Variants in CD163L1 observed in about 807,000 individuals in gnomAD.
CD163L1 encodes the protein CD163 molecule like 1.
In CD163L1, 124 loss-of-function variants were observed where a neutral mutation model predicts 165.4. The observed-to-expected ratio is 0.75, with a 90% CI of 0.65 to 0.87. The LOEUF is 0.87. Ranked by LOEUF, CD163L1 falls within the 40% of genes least tolerant of loss-of-function variation. The pLI is 0.00. For synonymous variants in CD163L1, 585 were observed against 662.2 expected (o/e 0.88, Z 1.79); for missense variants, 1,525 against 1,799.9 (o/e 0.85, Z 2.76).
At chr12:7,433,792 GTTGTTAT>G in intron 2 of CD163L1, 98 bp from the exon 3 acceptor site, 1 of 905,436 alleles carries the variant, frequency 1.1e-6, no homozygotes, top group South Asian at 2.0e-5. Context: ...TAGTTTAAAT[GTTGTTAT>G]TAGAACTTAT....
chr12:7,421,474 CATAT>C (rs1241384234), intron 4 of CD163L1, among the ~76,000 whole-genome samples: 57 of 97,752 alleles, frequency 5.8e-4, no homozygotes, highest in African/African-American at 1.4e-3. Flanking sequence ...CATATATATA[CATAT>C]ATGTACATAT....
intron 8 of CD163L1, among the ~76,000 whole-genome samples, chr12:7,393,495 C>T (rs1947706075): frequency 6.6e-6 from 1 of 152,156 alleles, no homozygotes; most frequent in Admixed American, 6.6e-5. Context: ...TGGAAGAATT[C>T]CCTTTGAAAA....
At chr12:7,402,025 T>C (rs965349235) in intron 6 of CD163L1, among the ~76,000 whole-genome samples, 4 of 151,968 alleles carry the variant, frequency 2.6e-5, no homozygotes, top group Non-Finnish European at 5.9e-5. Context: ...GATAAATAGA[T>C]TCATAAAACA....
chr12:7,368,835 C>T lies in CD163L1; in HGVS notation c.4072+98G>A, dbSNP rs970774901. The T allele has an allele frequency of 1.5e-6, 2 of 1,338,508 alleles. No individual in the cohort carries two copies. The allele number at this position is 1,338,508 out of a possible 1,614,324, so 82.9% of individuals were successfully genotyped here. ...CCCACAGACTCATATTTCTGCAGTC[C>T]CCAGTCTTCTTTGATTATCATAGCA... On this transcript the variant is annotated intron_variant, in intron 16 of 19. Transcript: ENST00000313599. This position sits in a 1 kb window ranked among gnomAD's most constrained non-coding sequence, Gnocchi z 4.3.
chr12:7,407,420 C>A (rs1293851430), intron 4 of CD163L1, among the ~76,000 whole-genome samples: 1 of 151,950 alleles, frequency 6.6e-6, no homozygotes, highest in Non-Finnish European at 1.5e-5. Context: ...AAAAATAAAA[C>A]TTCTAAAGGT....
At position 7,432,659 on chromosome 12, in the gene CD163L1, T is replaced by C; in HGVS notation, c.523A>G (p.Arg175Gly). ...SGRVEVKFQE[R>G]WGTICDDGWN... The stretch of plus-strand genomic sequence containing the variant: ...CCATCATCACATATAGTTCCCCACC[T>C]TTCTTGGAATTTCACCTCCACTCTC... The change falls in exon 4 of 20, where the codon AGG (arginine) becomes GGG (glycine). Residue 175 changes from arginine (R) to glycine (G), a missense_variant. Arg to Gly is a moderately radical substitution (Grantham distance 125, BLOSUM62 -2). Transcript: ENST00000313599. The surrounding 1 kb of genome is among the most constrained non-coding windows in gnomAD (Gnocchi z 4.2). The C allele has an allele frequency of 6.2e-7, 1 of 1,614,048 alleles. No individual in the cohort carries two copies. The highest frequency in any genetic ancestry group is 8.5e-7 in the Non-Finnish European group (1 of 1,179,990).
At chr12:7,342,008 T>C (rs1834166654), downstream of CD163L1, among the ~76,000 whole-genome samples, 1 of 152,218 alleles carries the variant, frequency 6.6e-6, no homozygotes, top group African/African-American at 2.4e-5. Context: ...ACTATATGAC[T>C]CAGCAAACTC....
At chr12:7,370,195 A>G (rs1464381865) in intron 14 of CD163L1, among the ~76,000 whole-genome samples, 2 of 152,180 alleles carry the variant, frequency 1.3e-5, no homozygotes, top group African/African-American at 4.8e-5. Context: ...CTTTGGCACT[A>G]GTGACCTCTC....
chr12:7,329,419 C>G, the CD163L1 span, among the ~76,000 whole-genome samples: 1 of 138,646 alleles, frequency 7.2e-6, no homozygotes, highest in Non-Finnish European at 1.6e-5. Context: ...TTTTATTTTT[C>G]TAAAAATATC....
At chr12:7,419,613 C>T (rs1948310279) in intron 4 of CD163L1, among the ~76,000 whole-genome samples, 1 of 151,966 alleles carries the variant, frequency 6.6e-6, no homozygotes, top group African/African-American at 2.4e-5. Flanking sequence ...ACCCTAAAGA[C>T]CTCCAACAAA....
At chr12:7,378,229 T>C (rs972015484) in intron 9 of CD163L1, among the ~76,000 whole-genome samples, 2 of 152,142 alleles carry the variant, frequency 1.3e-5, no homozygotes, top group African/African-American at 4.8e-5. Flanking sequence ...TGGAAGCTTT[T>C]CACCAGCTCC....
chr12:7,380,364 C>CGTATACATACATGTATGTGTGTATACGT (rs773384138), intron 8 of CD163L1, among the ~76,000 whole-genome samples: 27 of 144,542 alleles, frequency 1.9e-4, no homozygotes, highest in East Asian at 2.1e-4. Context: ...TGTGTATACG[C>CGTATACATACATGTATGTGTGTATACGT]GTATACATAC....
intron 4 of CD163L1, among the ~76,000 whole-genome samples, chr12:7,348,404 T>C (rs932705554): frequency 6.6e-6 from 1 of 152,238 alleles, no homozygotes; most frequent in African/African-American, 2.4e-5. Context: ...TTACCACTTA[T>C]GACCCTATTA....
Position 7,406,523 on chromosome 12 carries a change from A to C in CD163L1, c.1087+9T>G, listed in dbSNP as rs747399337. 1.9e-6 allele frequency: 3 copies of C among 1,608,382 alleles called. No individual in the cohort carries two copies. Among genetic ancestry groups the C allele is most frequent in the South Asian group, 1.1e-5 (1 of 89,742 alleles). ...TTATCTGATGTAATCATGTGGATGT[A>C]AGTCTTACCTGAGCAGATCACAGAC... On this transcript the variant is annotated intron_variant, in intron 5 of 19. Transcript: ENST00000313599.
At position 7,400,467 on chromosome 12, in the gene CD163L1, G is replaced by A. The variant is rs1439245810; in HGVS notation, c.1409-1883C>T. 6.6e-6 allele frequency among the ~76,000 whole-genome samples: 1 copy of A among 152,176 alleles called. No individual in the cohort carries two copies. The highest frequency in any genetic ancestry group is 1.5e-5 in the Non-Finnish European group (1 of 68,034). Reference sequence around the variant, plus strand: ...TGTTCTAGTATAGGATAACTGGATAGTATAATGATATAATTTCTGCACAAA... The same window carrying A: ...TGTTCTAGTATAGGATAACTGGATAATATAATGATATAATTTCTGCACAAA... On this transcript the variant is annotated intron_variant, in intron 6 of 19. Coordinates refer to ENST00000313599, the MANE Select transcript of CD163L1 (RefSeq NM_174941.6). This position sits in a 1 kb window ranked among gnomAD's most constrained non-coding sequence, Gnocchi z 4.1.
intron 4 of CD163L1, among the ~76,000 whole-genome samples, chr12:7,349,558 C>G (rs1035792086): frequency 6.6e-6 from 1 of 152,118 alleles, no homozygotes; most frequent in Non-Finnish European, 1.5e-5. Context: ...TAACAAACCA[C>G]AGGGAAAGGT....
chr12:7,356,753 T>C (rs377719047), intron 19 of CD163L1, among the ~76,000 whole-genome samples: 2 of 152,306 alleles, frequency 1.3e-5, no homozygotes, highest in African/African-American at 4.8e-5. Flanking sequence ...CCTTTTGTGC[T>C]GGATTTTCTA....
intron 6 of CD163L1, among the ~76,000 whole-genome samples, chr12:7,401,066 G>A (rs994705773): frequency 6.6e-6 from 1 of 152,156 alleles, no homozygotes; most frequent in African/African-American, 2.4e-5. Context: ...TTTGAACATT[G>A]ACTTTGGAGT....
intron 2 of CD163L1, chr12:7,440,052 G>C: frequency 8.3e-7 from 1 of 1,210,940 alleles, no homozygotes; most frequent in South Asian, 1.3e-5. Context: ...AGCTCCTCGC[G>C]TTCCGCGCTC....
Sources: gnomAD v4.1 joint callset for allele counts (sites outside exome capture counted in the v4.1 genomes callset) on GRCh38, gnomAD v4.1.1 for gene constraint, Gnocchi (gnomAD v3.1) non-coding constraint, MANE v1.5 for transcripts, NCBI Gene and HGNC (gene_info 2026-07-23, HGNC 2026-07-21) for gene names.